Variants in SHCBP1L observed in about 807,000 individuals in gnomAD.
SHCBP1L encodes the protein SHC binding and spindle associated 1 like.
SHCBP1L carries 67 observed loss-of-function variants against 62.5 expected under a neutral mutation model. The ratio of observed to expected loss-of-function variants is 1.07; its 90% CI spans 0.88 to 1.31. The LOEUF is 1.31. SHCBP1L is among the 40% of genes most tolerant of loss of function. The pLI, the probability that SHCBP1L is intolerant of heterozygous loss-of-function variation, is 0.00. For missense variants in SHCBP1L, 823 were observed against 809.8 expected, an observed-to-expected ratio of 1.02 and a Z score of -0.20; for synonymous variants, 284 against 289.4, an observed-to-expected ratio of 0.98 and a Z score of 0.19.
At position 182,939,252 on chromosome 1, in the gene SHCBP1L, C is replaced by T; in HGVS notation, c.1000G>A (p.Val334Ile). Residue 334 changes from valine (V) to isoleucine (I), a missense_variant, in exon 5 of 10, where the codon GTT becomes ATT. Transcript: ENST00000367547. ...TCATAGTATTTTTTCCAGCATTCAA[C>T]AGCCTCTGCTGCAGATGGATCTTCT... Reference protein sequence around the residue: ...IKEDPSAAEAVECWKKYYEIV... With the variant: ...IKEDPSAAEAIECWKKYYEIV... 1.2e-6 allele frequency: 2 copies of T among 1,613,976 alleles called. No individual in the cohort carries two copies. Among genetic ancestry groups the T allele is most frequent in the African/African-American group, 1.3e-5 (1 of 75,046 alleles).
chr1:182,900,616 A>G (rs971826440), intron 9 of SHCBP1L, among the ~76,000 whole-genome samples: 2 of 152,180 alleles, frequency 1.3e-5, no homozygotes, highest in Non-Finnish European at 2.9e-5. Flanking sequence ...TATTTTTAGT[A>G]GAGACGGGGT....
intron 1 of SHCBP1L, 97 bp from the exon 2 acceptor site, chr1:182,951,564 T>G (rs1201796364): frequency 5.9e-6 from 5 of 844,198 alleles, no homozygotes; most frequent in Non-Finnish European, 8.4e-6. Context: ...TATTTTAAAA[T>G]GGAACCAATA....
At chr1:182,902,984 C>A (rs1649889238) in intron 9 of SHCBP1L, 55 bp downstream of exon 9, 1 of 1,363,100 alleles carries the variant, frequency 7.3e-7, no homozygotes, top group South Asian at 1.7e-5. Flanking sequence ...TATTTTAGTA[C>A]TTATAATTAC....
At chr1:182,946,561 T>A (rs1342292533) in intron 2 of SHCBP1L, among the ~76,000 whole-genome samples, 1 of 152,206 alleles carries the variant, frequency 6.6e-6, no homozygotes, top group Admixed American at 6.5e-5. Context: ...GTAATTCCCT[T>A]CTTCCCAATG....
At chr1:182,924,943 A>G (rs563617645) in intron 6 of SHCBP1L, among the ~76,000 whole-genome samples, 3 of 127,102 alleles carry the variant, frequency 2.4e-5, no homozygotes, top group African/African-American at 1.1e-4. Context: ...AGGAAGAAAG[A>G]AAGAAAGAAA....
chr1:182,930,291 C>G (rs1650919662), intron 5 of SHCBP1L, among the ~76,000 whole-genome samples: 1 of 151,956 alleles, frequency 6.6e-6, no homozygotes, highest in African/African-American at 2.4e-5. Flanking sequence ...CTATTCAGCA[C>G]TTCTAATTAG....
At chr1:182,916,744 A>G (rs145136543) in intron 6 of SHCBP1L, among the ~76,000 whole-genome samples, 2 of 152,314 alleles carry the variant, frequency 1.3e-5, no homozygotes, top group African/African-American at 2.4e-5. Flanking sequence ...AAAAATCAGT[A>G]AGCAAAAATC....
At chr1:182,943,740 A>ACCTGG in intron 2 of SHCBP1L, among the ~76,000 whole-genome samples, 1 of 151,084 alleles carries the variant, frequency 6.6e-6, no homozygotes, top group South Asian at 2.1e-4. Flanking sequence ...GAGCCACTGC[A>ACCTGG]CCTGGCCTGG....
chr1:182,938,803 T>C (rs73033563), intron 5 of SHCBP1L, among the ~76,000 whole-genome samples: 2,160 of 152,298 alleles, frequency 0.014, 55 homozygotes, highest in African/African-American at 0.05. Context: ...AAAACTGTTA[T>C]GTAGACAGAC....
chr1:182,920,476 A>G (rs1002508676), intron 6 of SHCBP1L, among the ~76,000 whole-genome samples: 1 of 152,200 alleles, frequency 6.6e-6, no homozygotes, highest in African/African-American at 2.4e-5. Context: ...AGATGCGAAA[A>G]AAGCAGTGCA....
In SHCBP1L at chr1:182,952,968, G is replaced by A. The variant is rs1651842192; in HGVS notation, c.166C>T (p.Pro56Ser). ...TCCCGGCCCGCTTTCCCCTTCACCGGGCGAGGGGAGGCCACCACCGACCGC... is the reference window on the plus strand; with the variant it reads ...TCCCGGCCCGCTTTCCCCTTCACCGAGCGAGGGGAGGCCACCACCGACCGC... The part of the protein sequence containing the change: ...PVRSVVASPR[P>S]VKGKAGRETA... The change falls in exon 1 of 10, where the codon CCG becomes TCG. Residue 56 changes from proline (P) to serine (S), a missense_variant. Transcript: ENST00000367547. The A allele has an allele frequency of 3.2e-6, 5 of 1,543,918 alleles. No homozygotes were observed. The highest frequency in any genetic ancestry group is 4.4e-6 in the Non-Finnish European group (5 of 1,147,740).
intron 5 of SHCBP1L, among the ~76,000 whole-genome samples, chr1:182,938,425 T>G (rs1452756152): frequency 1.3e-5 from 2 of 151,870 alleles, no homozygotes; most frequent in African/African-American, 2.4e-5. Flanking sequence ...TTTTATTTTT[T>G]TCTTTTAAGA....
intron 6 of SHCBP1L, among the ~76,000 whole-genome samples, chr1:182,924,780 GAAAGAAAGAGAGAAAGA>G (rs1557996840): frequency 2.1e-5 from 2 of 94,858 alleles, no homozygotes; most frequent in East Asian, 6.4e-4. Flanking sequence ...AAGAAAGAAA[GAAAGAAAGAGAGAAAGA>G]AAGGAAGGAA....
intron 6 of SHCBP1L, among the ~76,000 whole-genome samples, chr1:182,921,766 C>T (rs879266853): frequency 3.9e-5 from 6 of 152,012 alleles, no homozygotes; most frequent in East Asian, 1.9e-4. Context: ...ATTAACCAGG[C>T]GCGGTGGCAA....
intron 6 of SHCBP1L, among the ~76,000 whole-genome samples, chr1:182,912,611 C>T (rs927702844): frequency 2.0e-5 from 3 of 151,934 alleles, no homozygotes; most frequent in Non-Finnish European, 2.9e-5. Context: ...CAACCTCTGC[C>T]TCCTGGGTTC....
At chr1:182,925,447 C>A (rs981370124) in intron 6 of SHCBP1L, among the ~76,000 whole-genome samples, 9 of 152,072 alleles carry the variant, frequency 5.9e-5, no homozygotes, top group African/African-American at 2.2e-4. Flanking sequence ...GCATCTTCAA[C>A]ATCATTAGTC....
intron 6 of SHCBP1L, among the ~76,000 whole-genome samples, 158 bp downstream of exon 6, chr1:182,929,485 CATTT>C (rs1265020838): frequency 6.6e-6 from 1 of 152,074 alleles, no homozygotes; most frequent in Non-Finnish European, 1.5e-5. Context: ...TAGTTGTCAC[CATTT>C]ATTTATTTAG....
intron 5 of SHCBP1L, among the ~76,000 whole-genome samples, 198 bp from the exon 6 acceptor site, chr1:182,929,950 A>G (rs1477309419): frequency 6.6e-6 from 1 of 152,046 alleles, no homozygotes. Flanking sequence ...AAATCCTTAA[A>G]CTCTAAAATA....
At chr1:182,944,051 G>A (rs1201826007) in intron 2 of SHCBP1L, among the ~76,000 whole-genome samples, 4 of 151,606 alleles carry the variant, frequency 2.6e-5, no homozygotes, top group Non-Finnish European at 5.9e-5. Context: ...AACCTGGGAG[G>A]TGGAGGTTGC....
Sources: allele counts gnomAD v4.1 joint callset (sites outside exome capture counted in the v4.1 genomes callset), GRCh38; gene constraint gnomAD v4.1.1; transcripts MANE v1.5; gene names NCBI Gene and HGNC (gene_info 2026-07-23, HGNC 2026-07-21).